The following KLHDC1 variants were observed in gnomAD, a reference collection of about 807,000 sequenced individuals.
KLHDC1 encodes kelch domain containing 1, also known as kelch domain-containing protein 1.
In KLHDC1, 53 loss-of-function variants were observed where a neutral mutation model predicts 68.3. The ratio of observed to expected loss-of-function variants is 0.78; its 90% CI spans 0.62 to 0.98. The LOEUF (loss-of-function observed/expected upper bound fraction) is 0.98. KLHDC1 is among the 50% of genes least tolerant of loss of function. The pLI is 0.00. For synonymous variants in KLHDC1, 148 were observed against 159.0 expected (o/e 0.93, Z 0.52); for missense variants, 470 against 492.3 (o/e 0.95, Z 0.43).
At chr14:49,713,731 C>T (rs1376509020) in intron 4 of KLHDC1, among the ~76,000 whole-genome samples, 1 of 143,522 alleles carries the variant, frequency 7.0e-6, no homozygotes, top group African/African-American at 2.6e-5. Context: ...ACTAAAAAGA[C>T]AAATCGTTAA....
chr14:49,705,365 C>T (rs56230909), intron 1 of KLHDC1, among the ~76,000 whole-genome samples: 83 of 71,616 alleles, frequency 1.2e-3, no homozygotes, highest in African/African-American at 1.7e-3. Flanking sequence ...TTCTTTCTTT[C>T]TTTTTTTTTT....
rs1887617005 is a variant in KLHDC1, at chr14:49,693,204, T to G, written c.10T>G (p.Ser4Ala). MAD[S>A]QLFCVAEERS... The stretch of plus-strand genomic sequence containing the variant: ...GCCAGCGACGGCGCGAATGGCGGAC[T>G]CTCAGCTGTTCTGTGTGGCGGAGGA... Residue 4 changes from serine (S) to alanine (A), a missense_variant, in exon 1 of 13, where the codon TCT becomes GCT. Physicochemically the swap from Ser to Ala is moderately conservative, Grantham distance 99. Coordinates refer to ENST00000359332, the MANE Select transcript of KLHDC1 (RefSeq NM_172193.3). 3 of 1,582,034 alleles carry G rather than the reference T, an allele frequency of 1.9e-6. No individual in the cohort carries two copies. The highest frequency in any genetic ancestry group is 2.6e-6 in the Non-Finnish European group (3 of 1,166,014).
At chr14:49,723,361 C>T (rs1305991142) in intron 4 of KLHDC1, among the ~76,000 whole-genome samples, 6 of 151,056 alleles carry the variant, frequency 4.0e-5, no homozygotes, top group Non-Finnish European at 8.9e-5. Flanking sequence ...GGTGAAACCC[C>T]ATCTCTACAA....
intron 12 of KLHDC1, among the ~76,000 whole-genome samples, chr14:49,744,431 C>G (rs1455417643): frequency 6.6e-6 from 1 of 151,904 alleles, no homozygotes; most frequent in Non-Finnish European, 1.5e-5. Flanking sequence ...TGACATTTTT[C>G]ACATTTTAAC....
intron 4 of KLHDC1, among the ~76,000 whole-genome samples, chr14:49,713,201 G>A (rs550191661): frequency 2.7e-5 from 4 of 148,904 alleles, no homozygotes; most frequent in Non-Finnish European, 4.5e-5. Context: ...TGATCCGCCC[G>A]CCTCAGCCTC....
rs183889538 is a variant in KLHDC1, at chr14:49,698,637, T to C, written c.96+5347T>C. Among the ~76,000 whole-genome samples the C allele has an allele frequency of 5.3e-3, 806 of 152,008 alleles. 7 individuals are homozygous for C. Among genetic ancestry groups the C allele is most frequent in the African/African-American group, 0.019 (773 of 41,498 alleles). ...TTCAAGCGATTCTCCTGCCTCAGCC[T>C]CCCAAGAAGCTGGGATTACAGGCAC... On this transcript the variant is annotated intron_variant, in intron 1 of 12. Transcript: ENST00000359332.
At chr14:49,717,828 A>G (rs923307399) in intron 4 of KLHDC1, among the ~76,000 whole-genome samples, 2 of 151,994 alleles carry the variant, frequency 1.3e-5, no homozygotes, top group African/African-American at 2.4e-5. Flanking sequence ...TACTGATTCA[A>G]TCATCTTACT....
chr14:49,700,957 C>T (rs1315051403), intron 1 of KLHDC1, among the ~76,000 whole-genome samples: 1 of 152,096 alleles, frequency 6.6e-6, no homozygotes, highest in African/African-American at 2.4e-5. Context: ...GTGGCACATG[C>T]CTGTAATCCC....
intron 10 of KLHDC1, among the ~76,000 whole-genome samples, chr14:49,739,430 G>C (rs1241596788): frequency 1.3e-5 from 2 of 152,134 alleles, no homozygotes; most frequent in Non-Finnish European, 2.9e-5. Flanking sequence ...AAAAATATTT[G>C]TTATTAGCCA....
chr14:49,694,184 G>A (rs1325951902), intron 1 of KLHDC1, among the ~76,000 whole-genome samples: 3 of 152,124 alleles, frequency 2.0e-5, no homozygotes, highest in African/African-American at 7.2e-5. Context: ...TTACTACAAT[G>A]GAGGTTTGAG....
intron 4 of KLHDC1, among the ~76,000 whole-genome samples, chr14:49,719,394 T>C (rs191714619): frequency 6.6e-6 from 1 of 151,284 alleles, no homozygotes; most frequent in Non-Finnish European, 1.5e-5. Context: ...TTCAGCACTT[T>C]ACAGGTTTTA....
chr14:49,750,298 G>A (rs936152778), intron 12 of KLHDC1, among the ~76,000 whole-genome samples: 7 of 152,070 alleles, frequency 4.6e-5, no homozygotes, highest in East Asian at 1.9e-4. Context: ...CTTATTTCTC[G>A]TCTCTAGGGC....
At chr14:49,694,435 A>G (rs1172577456) in intron 1 of KLHDC1, among the ~76,000 whole-genome samples, 2 of 152,192 alleles carry the variant, frequency 1.3e-5, no homozygotes, top group Non-Finnish European at 2.9e-5. Context: ...GAAGTATTGC[A>G]GAATACTTCG....
intron 10 of KLHDC1, among the ~76,000 whole-genome samples, chr14:49,738,912 T>G (rs1313156881): frequency 6.6e-6 from 1 of 152,204 alleles, no homozygotes; most frequent in Non-Finnish European, 1.5e-5. Flanking sequence ...ATATGTACAA[T>G]CAGCTTCTGC....
chr14:49,709,601 G>T, intron 2 of KLHDC1, 108 bp from the exon 3 acceptor site: 1 of 551,432 alleles, frequency 1.8e-6, no homozygotes, highest in Non-Finnish European at 3.2e-6. Flanking sequence ...CATTGTAACT[G>T]TAATTGACAG....
chr14:49,701,398 G>A (rs940339250), intron 1 of KLHDC1, among the ~76,000 whole-genome samples: 6 of 152,178 alleles, frequency 3.9e-5, no homozygotes, highest in African/African-American at 9.7e-5. Flanking sequence ...AGTGGCTTAC[G>A]CCTGTAATCC....
rs1201757087 is a variant in KLHDC1, at chr14:49,752,548, T to C, written c.*776T>C. ...AGACATATTAAAATACATTTTGCCT[T>C]AGAAGACTGCTTCTAAAGTAATTTT... On this transcript the variant is annotated 3_prime_UTR_variant, in exon 13 of 13. Coordinates refer to ENST00000359332, the MANE Select transcript of KLHDC1 (RefSeq NM_172193.3). 6.6e-6 allele frequency: 1 copy of C among 152,574 alleles called. No homozygotes were observed. The highest frequency in any genetic ancestry group is 6.5e-5 in the Admixed American group (1 of 15,280). The allele number at this position is 152,574 out of a possible 1,614,324, so 9.5% of individuals were successfully genotyped here.
chr14:49,740,187 G>C lies in KLHDC1; in HGVS notation c.981+5G>C. ...GACTTACTTGCCTTGGATACAGTAA[G>C]AAAATCTTATATCTAAATATTTCCT... On this transcript the variant is annotated splice_donor_5th_base_variant and intron_variant, in intron 11 of 12. Coordinates refer to ENST00000359332, the MANE Select transcript of KLHDC1 (RefSeq NM_172193.3). 6.5e-7 allele frequency: 1 copy of C among 1,529,190 alleles called. No homozygotes were observed. Among genetic ancestry groups the C allele is most frequent in the Non-Finnish European group, 9.0e-7 (1 of 1,107,186 alleles). 94.7% of individuals were successfully genotyped at this position (1,529,190 alleles called of 1,614,324 possible).
chr14:49,741,357 G>A (rs999189452), intron 11 of KLHDC1, among the ~76,000 whole-genome samples: 11 of 151,616 alleles, frequency 7.3e-5, no homozygotes, highest in Admixed American at 2.0e-4. Context: ...CCAGGCTGGA[G>A]TGCAGTGGCA....
Sources: gnomAD v4.1 joint callset for allele counts (sites outside exome capture counted in the v4.1 genomes callset) on GRCh38, gnomAD v4.1.1 for gene constraint, MANE v1.5 for transcripts, NCBI Gene and HGNC (gene_info 2026-07-23, HGNC 2026-07-21) for gene names.